The following SLC39A9 variants were observed in gnomAD, a reference collection of about 807,000 sequenced individuals.
SLC39A9 encodes zinc transporter ZIP9.
A neutral mutation model predicts 28.4 loss-of-function variants in SLC39A9; 14 were observed. That is an observed-to-expected ratio of 0.49 (90% CI 0.33 to 0.77). SLC39A9 has a LOEUF of 0.77. Among genes scored for constraint, SLC39A9 ranks in the 30% least tolerant of loss-of-function variants. The pLI is 0.02. For synonymous variants in SLC39A9, 119 were observed against 149.6 expected (o/e 0.80, Z 1.49); for missense variants, 283 against 381.1 (o/e 0.74, Z 2.14).
intron 2 of SLC39A9, among the ~76,000 whole-genome samples, chr14:69,437,743 C>A (rs1273332864): frequency 1.3e-5 from 2 of 151,902 alleles, no homozygotes; most frequent in Non-Finnish European, 2.9e-5. Flanking sequence ...TGCCTGCCAT[C>A]ATGCCCAGCT....
upstream of SLC39A9, chr14:69,398,604 G>A (rs949588576): frequency 3.3e-6 from 1 of 299,808 alleles, no homozygotes; most frequent in Non-Finnish European, 6.3e-6. Flanking sequence ...TGGCGGCAAC[G>A]TAAGTATCCT....
At position 69,452,351 on chromosome 14, in the gene SLC39A9, C is replaced by T. The variant is rs144356881; in HGVS notation, c.404-890C>T. Among the ~76,000 whole-genome samples the T allele has an allele frequency of 3.0e-3, 455 of 151,906 alleles. 2 individuals are homozygous for T. The highest frequency in any genetic ancestry group is 0.01 in the African/African-American group (433 of 41,430). ...GTTTTTTGTTTGTTTGTTTTTGAGA[C>T]GGAGTTTCACTCTTGTTGCCCAGGC... On this transcript the variant is annotated intron_variant, in intron 3 of 6. Transcript: ENST00000336643.
intron 1 of SLC39A9, among the ~76,000 whole-genome samples, chr14:69,403,426 G>GT (rs1278121016): frequency 6.6e-6 from 1 of 152,164 alleles, no homozygotes; most frequent in Non-Finnish European, 1.5e-5. Context: ...CACAGAGCTG[G>GT]TAACAGAGAG....
At chr14:69,441,134 C>T (rs992815676) in intron 2 of SLC39A9, among the ~76,000 whole-genome samples, 2 of 151,980 alleles carry the variant, frequency 1.3e-5, no homozygotes. Context: ...TTCAAATTAG[C>T]TGGTTATGGT....
chr14:69,408,798 A>G (rs928289916), intron 1 of SLC39A9, among the ~76,000 whole-genome samples: 2 of 152,158 alleles, frequency 1.3e-5, no homozygotes, highest in African/African-American at 2.4e-5. Context: ...GGCAGTGGGG[A>G]TGGGAGAGAC....
intron 6 of SLC39A9, 62 bp from the exon 7 acceptor site, chr14:69,458,301 T>C (rs1465419352): frequency 6.3e-7 from 1 of 1,584,460 alleles, no homozygotes; most frequent in Non-Finnish European, 8.6e-7. Flanking sequence ...TAACTGGGAC[T>C]TCTTCCTGAC....
chr14:69,422,099 G>A (rs1372121298), intron 1 of SLC39A9, among the ~76,000 whole-genome samples: 1 of 152,186 alleles, frequency 6.6e-6, no homozygotes, highest in Admixed American at 6.5e-5. Context: ...ATCACACTGG[G>A]AGCTGCAGAC....
intron 1 of SLC39A9, among the ~76,000 whole-genome samples, chr14:69,409,509 TG>T (rs1883130983): frequency 6.7e-6 from 1 of 149,816 alleles, no homozygotes; most frequent in African/African-American, 2.6e-5. Context: ...AGCTAATTTT[TG>T]TATTTTTTTA....
chr14:69,407,583 C>T (rs1369672838), intron 1 of SLC39A9, among the ~76,000 whole-genome samples: 2 of 152,156 alleles, frequency 1.3e-5, no homozygotes, highest in African/African-American at 4.8e-5. Flanking sequence ...CCCGCCTAGG[C>T]CTCCCAAAGT....
rs188138786 is a variant in SLC39A9 at position 69,439,199 on chromosome 14, G to A, written c.206-2870G>A. Among the ~76,000 whole-genome samples, 320 of 152,258 alleles carry A rather than the reference G, an allele frequency of 2.1e-3. 6 individuals are homozygous for A. Among genetic ancestry groups the A allele is most frequent in the East Asian group, 0.012 (62 of 5,190 alleles). ...TTTCATTCATAATAGCATCAGAGGG[G>A]GAGGGAAAGCATTAGGAGATATACC... On this transcript the variant is annotated intron_variant, in intron 2 of 6. Coordinates refer to ENST00000336643, the MANE Select transcript of SLC39A9 (RefSeq NM_018375.5).
chr14:69,459,197 T>C lies in SLC39A9; in HGVS notation c.*604T>C, dbSNP rs1886005509. On this transcript the variant is annotated 3_prime_UTR_variant, in exon 7 of 7. Coordinates refer to ENST00000336643, the MANE Select transcript of SLC39A9 (RefSeq NM_018375.5). ...TCTTTATACTCAAAAGAGATATCCA[T>C]TGAAAAGGGATGTCTAGAGGGATTT... 1 of 985,528 alleles carries C rather than the reference T, an allele frequency of 1.0e-6. No individual in the cohort carries two copies. The highest frequency in any genetic ancestry group is 1.2e-6 in the Non-Finnish European group (1 of 829,992). 61.0% of individuals were successfully genotyped at this position (985,528 alleles called of 1,614,324 possible).
At chr14:69,422,919 A>G (rs1883977867) in intron 1 of SLC39A9, among the ~76,000 whole-genome samples, 1 of 152,210 alleles carries the variant, frequency 6.6e-6, no homozygotes, top group Non-Finnish European at 1.5e-5. Flanking sequence ...AGAAACTTTG[A>G]AACCTAATCT....
chr14:69,454,184 A>G (rs1361778964), intron 4 of SLC39A9, among the ~76,000 whole-genome samples: 2 of 152,248 alleles, frequency 1.3e-5, no homozygotes, highest in Admixed American at 6.5e-5. Context: ...TCTAAGTATA[A>G]TATGCTTTTC....
chr14:69,443,985 A>G (rs981771514), intron 3 of SLC39A9, among the ~76,000 whole-genome samples: 1 of 152,096 alleles, frequency 6.6e-6, no homozygotes, highest in African/African-American at 2.4e-5. Flanking sequence ...CAGGAGTTCA[A>G]GATCAGCCTG....
rs1033225077 is a variant in SLC39A9 at position 69,459,565 on chromosome 14, T to G, written c.*972T>G. ...GTTGTCCTTTTTTTTTGTTTTTTTT[T>G]TTTTTAATTATTTCTCTTAGCAGAT... On this transcript the variant is annotated 3_prime_UTR_variant, in exon 7 of 7. Transcript: ENST00000336643. 1.1e-5 allele frequency: 11 copies of G among 980,138 alleles called. No individual in the cohort carries two copies. Among genetic ancestry groups the G allele is most frequent in the Non-Finnish European group, 1.3e-5 (11 of 825,398 alleles). The allele number at this position is 980,138 out of a possible 1,614,324, so 60.7% of individuals were successfully genotyped here.
intron 2 of SLC39A9, 146 bp from the exon 3 acceptor site, chr14:69,441,923 T>G: frequency 4.3e-6 from 6 of 1,403,400 alleles, no homozygotes; most frequent in African/African-American, 1.5e-5. Flanking sequence ...GTTGAAGGAG[T>G]TAATGATTGG....
At position 69,460,521 on chromosome 14, in the gene SLC39A9, CTT is replaced by C. The variant is rs1886066913; in HGVS notation, c.*1930_*1931del. ...TGCCTAGATTCTCTCTGGAAACTGA[CTT>C]TGTCAAATAAATAGCAGATTGTAGT... On this transcript the variant is annotated 3_prime_UTR_variant, in exon 7 of 7. Transcript: ENST00000336643. 8 of 985,380 alleles carry C rather than the reference CTT, an allele frequency of 8.1e-6. No individual in the cohort carries two copies. The highest frequency in any genetic ancestry group is 7.2e-6 in the Non-Finnish European group (6 of 829,910). The allele number at this position is 985,380 out of a possible 1,614,324, so 61.0% of individuals were successfully genotyped here. A position where few individuals can be genotyped will look rare whatever the true frequency, so the allele number is the denominator to read the frequency against.
intron 1 of SLC39A9, among the ~76,000 whole-genome samples, chr14:69,400,777 C>G (rs1882587026): frequency 6.6e-6 from 1 of 152,044 alleles, no homozygotes; most frequent in South Asian, 2.1e-4. Context: ...TGTTGTTGTT[C>G]TTTTTCTGTT....
At chr14:69,445,226 C>G (rs1885235487) in intron 3 of SLC39A9, among the ~76,000 whole-genome samples, 2 of 151,856 alleles carry the variant, frequency 1.3e-5, no homozygotes, top group African/African-American at 4.8e-5. Context: ...GTGTGGCTGC[C>G]TCTCCTGCCC....
Sources: gnomAD v4.1 joint callset for allele counts (sites outside exome capture counted in the v4.1 genomes callset) on GRCh38, gnomAD v4.1.1 for gene constraint, MANE v1.5 for transcripts, NCBI Gene and HGNC (gene_info 2026-07-23, HGNC 2026-07-21) for gene names.